Variants in FAT3 observed in about 807,000 individuals in gnomAD.
The protein encoded by FAT3 is protocadherin Fat 3.
FAT3 carries 95 observed loss-of-function variants against 310.2 expected under a neutral mutation model. That is an observed-to-expected ratio of 0.31 (90% CI 0.26 to 0.36). The LOEUF is 0.36. Ranked by LOEUF, FAT3 falls within the 10% of genes least tolerant of loss-of-function variation. FAT3 has a pLI of 1.00. For synonymous variants in FAT3, 2,314 were observed against 2,192.9 expected (o/e 1.06, Z -1.54); for missense variants, 5,408 against 5,715.6 (o/e 0.95, Z 1.74).
At chr11:92,337,024 C>T (rs1948103992) in intron 1 of FAT3, among the ~76,000 whole-genome samples, 3 of 152,158 alleles carry the variant, frequency 2.0e-5, no homozygotes, top group Non-Finnish European at 4.4e-5. Flanking sequence ...GTTTTACTTC[C>T]CTGGTGAGGC....
chr11:92,288,811 G>A (rs1282113618), intron 1 of FAT3, among the ~76,000 whole-genome samples: 1 of 152,152 alleles, frequency 6.6e-6, no homozygotes, highest in Non-Finnish European at 1.5e-5. Context: ...CTAAAAAGGA[G>A]TATCATAAAT....
intron 1 of FAT3, among the ~76,000 whole-genome samples, chr11:92,321,436 CAAA>C (rs61666151): frequency 8.2e-6 from 1 of 122,370 alleles, no homozygotes; most frequent in Non-Finnish European, 1.7e-5. Flanking sequence ...GACTCCGTCT[CAAA>C]AAAAAAAAAA....
intron 2 of FAT3, among the ~76,000 whole-genome samples, chr11:92,381,444 C>T (rs911273209): frequency 6.6e-6 from 1 of 152,078 alleles, no homozygotes; most frequent in South Asian, 2.1e-4. Context: ...ACATGGGAGG[C>T]GGAGGTTGCA....
intron 3 of FAT3, among the ~76,000 whole-genome samples, chr11:92,657,166 G>A (rs1565491507): frequency 1.3e-5 from 2 of 152,134 alleles, no homozygotes; most frequent in East Asian, 3.9e-4. Flanking sequence ...TTTTCCAGTG[G>A]TATTACCAAA....
At chr11:92,285,486 G>A (rs1253244136) in intron 1 of FAT3, among the ~76,000 whole-genome samples, 1 of 152,114 alleles carries the variant, frequency 6.6e-6, no homozygotes, top group East Asian at 1.9e-4. Flanking sequence ...CATTTCAGAT[G>A]GTTAAGTGCT....
rs764791242 is a variant in FAT3 at position 92,883,312 on chromosome 11, G to T, written c.12856G>T (p.Ala4286Ser). 6.2e-7 allele frequency: 1 copy of T among 1,610,552 alleles called. No homozygotes were observed. The highest frequency in any genetic ancestry group is 1.1e-5 in the South Asian group (1 of 90,940). Residue 4286 changes from alanine to serine, a missense_variant, in exon 24 of 28, where the codon GCC (alanine) becomes TCC (serine). Ala to Ser is a moderately conservative substitution (Grantham distance 99). This residue lies in a region of FAT3 where 649 missense variants were observed against 666.2 expected (regional missense o/e 0.97). Transcript: ENST00000525166. The surrounding 1 kb of genome is among the most constrained non-coding windows in gnomAD (Gnocchi z 4.2). ...ARRGVVVCSV[A>S]PNLPAVSPCR... ...GCGGGGCGTGGTCGTGTGCAGTGTG[G>T]CCCCCAACCTCCCCGCCGTGTCACC...
Position 92,800,287 on chromosome 11 carries a change from A to G in FAT3, c.7274A>G (p.Asp2425Gly). ...CVQASDADSS[D>G]FDRLEYSILS... Reference sequence around the variant, plus strand: ...CAAGCCTCTGATGCAGACAGCTCTGATTTTGACCGGTTGGAATATAGCATT... The same window carrying G: ...CAAGCCTCTGATGCAGACAGCTCTGGTTTTGACCGGTTGGAATATAGCATT... Residue 2425 changes from aspartate to glycine, a missense_variant, in exon 10 of 28, where the codon GAT becomes GGT. Physicochemically the swap from Asp to Gly is moderately conservative, Grantham distance 94. Around this residue, in one of 5 missense-constraint regions of FAT3, gnomAD observed 4,588 missense variants for 4,809.8 expected, o/e 0.95. Coordinates refer to ENST00000525166, the MANE Select transcript of FAT3 (RefSeq NM_001367949.2). 1.2e-6 allele frequency: 2 copies of G among 1,613,870 alleles called. No homozygotes were observed. The highest frequency in any genetic ancestry group is 1.7e-6 in the Non-Finnish European group (2 of 1,179,780).
chr11:92,389,600 G>C (rs1352799231), intron 2 of FAT3, among the ~76,000 whole-genome samples: 1 of 152,160 alleles, frequency 6.6e-6, no homozygotes, highest in Non-Finnish European at 1.5e-5. Context: ...CCAGATGCCT[G>C]GTACTTAACA....
chr11:92,576,804 A>G (rs1011239378), intron 3 of FAT3, among the ~76,000 whole-genome samples: 7 of 152,176 alleles, frequency 4.6e-5, no homozygotes, highest in African/African-American at 1.7e-4. Context: ...TTTGCTTTTT[A>G]TAACTACAAA....
intron 3 of FAT3, among the ~76,000 whole-genome samples, chr11:92,588,007 T>C (rs1939238001): frequency 6.6e-6 from 1 of 151,986 alleles, no homozygotes; most frequent in Non-Finnish European, 1.5e-5. Context: ...CTGCTGTAAA[T>C]CCCTCACCAC....
At chr11:92,822,633 A>G (rs61201776) in intron 13 of FAT3, among the ~76,000 whole-genome samples, 2,307 of 152,240 alleles carry the variant, frequency 0.015, 72 homozygotes, top group African/African-American at 0.053. Flanking sequence ...CTTCTCACAT[A>G]TTACAAAACA....
At chr11:92,850,355 G>A (rs1386642807) in intron 19 of FAT3, among the ~76,000 whole-genome samples, 2 of 152,198 alleles carry the variant, frequency 1.3e-5, no homozygotes, top group African/African-American at 2.4e-5. Flanking sequence ...GCTTCTCAGT[G>A]TATGTGTATT....
chr11:92,593,261 T>C (rs1011224422), intron 3 of FAT3, among the ~76,000 whole-genome samples: 1 of 152,152 alleles, frequency 6.6e-6, no homozygotes, highest in Non-Finnish European at 1.5e-5. Context: ...ATAATGCTGC[T>C]GTGAACATGG....
intron 2 of FAT3, among the ~76,000 whole-genome samples, chr11:92,416,557 C>T (rs1227303532): frequency 6.6e-6 from 1 of 152,098 alleles, no homozygotes; most frequent in African/African-American, 2.4e-5. Context: ...ATGATGTTTT[C>T]TTAAGCGCAT....
chr11:92,844,472 T>C lies in FAT3; in HGVS notation c.11105T>C (p.Leu3702Pro). Residue 3702 changes from leucine to proline, a missense_variant, in exon 19 of 28, where the codon CTG becomes CCG. This residue lies in a region of FAT3 where 4,588 missense variants were observed against 4,809.8 expected (regional missense o/e 0.95). Transcript: ENST00000525166. ...PVAGTNQLDM[L>P]FAVEMHSSEF... ...GCAGGCACCAACCAACTGGACATGCTGTTTGCGGTGGAGATGCACAGCAGC... is the reference window on the plus strand; with the variant it reads ...GCAGGCACCAACCAACTGGACATGCCGTTTGCGGTGGAGATGCACAGCAGC... 4 of 1,613,988 alleles carry C rather than the reference T, an allele frequency of 2.5e-6. No homozygotes were observed. The highest frequency in any genetic ancestry group is 3.4e-6 in the Non-Finnish European group (4 of 1,179,886).
chr11:92,793,888 GAC>G (rs1421608293), intron 9 of FAT3, among the ~76,000 whole-genome samples: 9 of 151,958 alleles, frequency 5.9e-5, no homozygotes, highest in African/African-American at 2.2e-4. Flanking sequence ...ATGCTAGAAT[GAC>G]AGTTTTGGAC....
chr11:92,228,361 G>A (rs1864013337), intron 1 of FAT3, among the ~76,000 whole-genome samples: 1 of 152,134 alleles, frequency 6.6e-6, no homozygotes, highest in Admixed American at 6.5e-5. Context: ...AGCAATTACA[G>A]TTGTGCTGAG....
chr11:92,291,019 C>T (rs576954530), intron 1 of FAT3, among the ~76,000 whole-genome samples: 31 of 151,428 alleles, frequency 2.0e-4, no homozygotes, highest in Non-Finnish European at 4.0e-4. Context: ...CTTAAGGTGT[C>T]AACCATAGCA....
At position 92,591,195 on chromosome 11, in the gene FAT3, T is replaced by C. The variant is rs140024927; in HGVS notation, c.3607+66247T>C. ...TAAAACCCATTTAAAGTACTTAAGA[T>C]GGCCCTCTGGCTTTGAAAATGTGGC... On this transcript the variant is annotated intron_variant, in intron 3 of 27. Coordinates refer to ENST00000525166, the MANE Select transcript of FAT3 (RefSeq NM_001367949.2). 4.1e-3 allele frequency among the ~76,000 whole-genome samples: 630 copies of C among 152,278 alleles called. 6 individuals carry two copies. The highest frequency in any genetic ancestry group is 0.014 in the African/African-American group (575 of 41,576).
Sources: allele counts gnomAD v4.1 joint callset (sites outside exome capture counted in the v4.1 genomes callset), GRCh38; gene constraint gnomAD v4.1.1; regional missense constraint gnomAD v4.1.1; non-coding constraint Gnocchi (gnomAD v3.1); transcripts MANE v1.5; gene names NCBI Gene and HGNC (gene_info 2026-07-23, HGNC 2026-07-21).